Variants in CEP128 observed in about 807,000 individuals in gnomAD.
The protein encoded by CEP128 is centrosomal protein 128kDa.
In CEP128, 132 loss-of-function variants were observed where a neutral mutation model predicts 156.7. The ratio of observed to expected loss-of-function variants is 0.84; its 90% CI spans 0.73 to 0.97. CEP128 has a LOEUF of 0.97. Among genes scored for constraint, CEP128 ranks in the 50% least tolerant of loss-of-function variants. CEP128 has a pLI of 0.00. For synonymous variants in CEP128, 469 were observed against 448.9 expected (o/e 1.04, Z -0.57); for missense variants, 1,252 against 1,281.9 (o/e 0.98, Z 0.36).
chr14:80,840,687 T>C lies in CEP128; in HGVS notation c.844A>G (p.Asn282Asp), dbSNP rs1566663630. 2 of 1,591,734 alleles carry C rather than the reference T, an allele frequency of 1.3e-6. No homozygotes were observed. The highest frequency in any genetic ancestry group is 3.4e-5 in the Admixed American group (2 of 59,668). Residue 282 changes from asparagine to aspartate, a missense_variant, in exon 10 of 25, where the codon AAT (asparagine) becomes GAT (aspartate). Transcript: ENST00000555265. Reference protein sequence around the residue: ...NKLRQTETEKNQLEQELELSR... With the variant: ...NKLRQTETEKDQLEQELELSR... ...GATAACTTTTAAAATCTTACTTGAT[T>C]CTTCTCAGTTTCAGTTTGTCTTAGC...
chr14:80,673,068 T>C (rs1895908400), intron 19 of CEP128, among the ~76,000 whole-genome samples: 1 of 152,166 alleles, frequency 6.6e-6, no homozygotes, highest in South Asian at 2.1e-4. Context: ...GTAAGACCTA[T>C]ATAACAGTAC....
intron 19 of CEP128, among the ~76,000 whole-genome samples, chr14:80,706,170 CA>C (rs146022624): frequency 4.0e-5 from 6 of 150,148 alleles, no homozygotes; most frequent in African/African-American, 7.3e-5. Flanking sequence ...TACTATAAGA[CA>C]AAAAAAAACA....
At chr14:80,737,808 T>C (rs1898612404) in intron 19 of CEP128, among the ~76,000 whole-genome samples, 1 of 152,150 alleles carries the variant, frequency 6.6e-6, no homozygotes, top group South Asian at 2.1e-4. Context: ...GAGGACTGCT[T>C]GAGCCTGAGG....
At chr14:80,643,641 C>T (rs1894513373) in intron 19 of CEP128, among the ~76,000 whole-genome samples, 2 of 151,806 alleles carry the variant, frequency 1.3e-5, no homozygotes, top group African/African-American at 4.8e-5. Flanking sequence ...ACCTGGGAAG[C>T]GAAGGTTACA....
chr14:80,878,466 C>G (rs1888384404), intron 8 of CEP128, among the ~76,000 whole-genome samples: 1 of 152,200 alleles, frequency 6.6e-6, no homozygotes, highest in South Asian at 2.1e-4. Flanking sequence ...GCTGTTGCAC[C>G]TGGCCTCTTA....
chr14:80,683,222 C>G (rs770292372), intron 19 of CEP128, among the ~76,000 whole-genome samples: 7 of 151,998 alleles, frequency 4.6e-5, no homozygotes, highest in Admixed American at 6.6e-5. Context: ...TTCAACAGAC[C>G]CATCTCACAA....
chr14:80,946,257 G>T (rs74064754), upstream of CEP128, among the ~76,000 whole-genome samples: 9,925 of 151,294 alleles, frequency 0.066, 1,087 homozygotes, highest in African/African-American at 0.23. Context: ...ATGAATATTG[G>T]TACTCTATTA....
intron 19 of CEP128, among the ~76,000 whole-genome samples, chr14:80,688,581 T>C (rs1829435541): frequency 2.0e-5 from 3 of 152,234 alleles, no homozygotes; most frequent in African/African-American, 7.2e-5. Flanking sequence ...GTTTGTTGCA[T>C]AATTTTCCCC....
At chr14:80,724,156 C>T (rs763724394) in intron 19 of CEP128, among the ~76,000 whole-genome samples, 2 of 152,154 alleles carry the variant, frequency 1.3e-5, no homozygotes, top group Admixed American at 6.5e-5. Context: ...GTCTCAGGAA[C>T]CATGTGCTCA....
At chr14:80,706,793 TC>T (rs1270485301) in intron 19 of CEP128, among the ~76,000 whole-genome samples, 2 of 152,136 alleles carry the variant, frequency 1.3e-5, no homozygotes, top group Non-Finnish European at 2.9e-5. Context: ...TTTGTTATTG[TC>T]CCTGTGGCTC....
At chr14:80,909,246 G>T (rs1399781660) in intron 4 of CEP128, among the ~76,000 whole-genome samples, 1 of 151,814 alleles carries the variant, frequency 6.6e-6, no homozygotes, top group Non-Finnish European at 1.5e-5. Flanking sequence ...CTCAGTAGAA[G>T]AGTTGATCTG....
At chr14:80,624,429 T>C (rs1048242631) in intron 19 of CEP128, among the ~76,000 whole-genome samples, 3 of 152,222 alleles carry the variant, frequency 2.0e-5, no homozygotes, top group African/African-American at 7.2e-5. Context: ...TTTTCTCCTC[T>C]GGATAAATAC....
intron 19 of CEP128, among the ~76,000 whole-genome samples, chr14:80,693,168 G>A (rs1896774433): frequency 6.6e-6 from 1 of 152,112 alleles, no homozygotes; most frequent in African/African-American, 2.4e-5. Context: ...CTTTCCTAAA[G>A]CCTACAGACC....
chr14:80,927,147 T>C (rs1885195006), intron 2 of CEP128, among the ~76,000 whole-genome samples: 1 of 152,064 alleles, frequency 6.6e-6, no homozygotes, highest in Non-Finnish European at 1.5e-5. Context: ...CTGCTACTCC[T>C]AGGGTAAGGG....
intron 19 of CEP128, among the ~76,000 whole-genome samples, chr14:80,695,713 CAA>C (rs772118868): frequency 3.6e-4 from 36 of 99,376 alleles, no homozygotes; most frequent in Admixed American, 5.6e-4. Flanking sequence ...GACTCCATCT[CAA>C]AAAAAAAAAA....
At chr14:80,479,968 C>G (rs911830328) in intron 14 of CEP128, among the ~76,000 whole-genome samples, 1 of 152,212 alleles carries the variant, frequency 6.6e-6, no homozygotes, top group African/African-American at 2.4e-5. Context: ...GGTCTCACAT[C>G]CAGGTCATGC....
At chr14:80,575,422 T>A (rs375050230) in intron 20 of CEP128, among the ~76,000 whole-genome samples, 1 of 152,150 alleles carries the variant, frequency 6.6e-6, no homozygotes, top group Non-Finnish European at 1.5e-5. Flanking sequence ...TCATTATATT[T>A]AGCAGCTGGC....
intron 2 of CEP128, among the ~76,000 whole-genome samples, chr14:80,935,664 A>AAC (rs1885758963): frequency 6.8e-6 from 1 of 147,446 alleles, no homozygotes; most frequent in Non-Finnish European, 1.5e-5. Flanking sequence ...AAAAAAAAAA[A>AAC]AAAACAGAAC....
chr14:80,740,530 A>G (rs1434228575), intron 19 of CEP128, among the ~76,000 whole-genome samples: 3 of 145,574 alleles, frequency 2.1e-5, no homozygotes, highest in African/African-American at 5.0e-5. Context: ...AGATAGATAG[A>G]TAGATAGATA....
Sources: allele counts gnomAD v4.1 joint callset (sites outside exome capture counted in the v4.1 genomes callset), GRCh38; gene constraint gnomAD v4.1.1; transcripts MANE v1.5; gene names NCBI Gene and HGNC (gene_info 2026-07-23, HGNC 2026-07-21).